The following CPZ variants were observed in gnomAD, a reference collection of about 807,000 sequenced individuals.
The protein encoded by CPZ is VEZT/CPZ fusion.
In CPZ, 103 loss-of-function variants were observed where a neutral mutation model predicts 61.8. The observed-to-expected ratio is 1.67, with a 90% CI of 1.42 to 1.96. The LOEUF (loss-of-function observed/expected upper bound fraction) is 1.96. Among genes scored for constraint, CPZ ranks in the 30% most tolerant of loss-of-function variants. The pLI, the probability that CPZ is intolerant of heterozygous loss-of-function variation, is 0.00. For missense variants in CPZ, 1,461 were observed against 914.9 expected, an observed-to-expected ratio of 1.60 and a Z score of -7.70; for synonymous variants, 551 against 373.7, an observed-to-expected ratio of 1.47 and a Z score of -5.47.
chr4:8,610,871 A>G (rs1715594733), intron 7 of CPZ, among the ~76,000 whole-genome samples: 1 of 152,156 alleles, frequency 6.6e-6, no homozygotes, highest in Non-Finnish European at 1.5e-5. Flanking sequence ...ACTTCTGAGA[A>G]GCTGGACCCA....
Position 8,607,421 on chromosome 4 carries a change from A to G in CPZ, c.1223A>G (p.Glu408Gly), listed in dbSNP as rs1439219430. 1.2e-6 allele frequency: 2 copies of G among 1,613,818 alleles called. No individual in the cohort carries two copies. The highest frequency in any genetic ancestry group is 1.7e-5 in the Admixed American group (1 of 60,002). The change falls in exon 7 of 11, where the codon GAG (glutamate) becomes GGG (glycine). Residue 408 changes from glutamate to glycine, a missense_variant. Transcript: ENST00000360986. ...AAGATGTTTTCTCCCACGCCCGACG[A>G]GAAGGTGAGAGGGCTGTCGGGTGTG... ...EEKMFSPTPD[E>G]KMFKLLSRAY...
At chr4:8,602,736 A>C (rs1714667875) in intron 3 of CPZ, 1 of 152,444 alleles carries the variant, frequency 6.6e-6, no homozygotes, top group Non-Finnish European at 1.5e-5. Flanking sequence ...GTGCTGGGAC[A>C]TTGAGGAGGG....
chr4:8,607,844 C>T (rs1198828423), intron 7 of CPZ, among the ~76,000 whole-genome samples: 1 of 152,168 alleles, frequency 6.6e-6, no homozygotes, highest in East Asian at 1.9e-4. Flanking sequence ...GTCCTGCTTC[C>T]CGGGGGTCGT....
chr4:8,603,895 C>T, intron 3 of CPZ, 81 bp from the exon 4 acceptor site: 2 of 1,198,158 alleles, frequency 1.7e-6, no homozygotes, highest in African/African-American at 1.5e-5. Context: ...ACTAAGGGTG[C>T]TGTGTGTGGT....
chr4:8,596,226 A>G (rs555078211), intron 1 of CPZ, among the ~76,000 whole-genome samples: 24 of 152,002 alleles, frequency 1.6e-4, no homozygotes, highest in East Asian at 5.8e-4. Context: ...TAATTTTTGT[A>G]TTTTTAGTAG....
chr4:8,602,209 TG>T, intron 3 of CPZ: 1 of 152,516 alleles, frequency 6.6e-6, no homozygotes, highest in Non-Finnish European at 1.5e-5. Flanking sequence ...CGGGGCTGGT[TG>T]GGGGCCCTGC....
At chr4:8,611,799 T>C (rs956244422) in intron 7 of CPZ, among the ~76,000 whole-genome samples, 1 of 152,034 alleles carries the variant, frequency 6.6e-6, no homozygotes, top group Non-Finnish European at 1.5e-5. Flanking sequence ...CCATGGGACC[T>C]GGCCCCGAAC....
At chr4:8,609,292 G>A (rs73213387) in intron 7 of CPZ, among the ~76,000 whole-genome samples, 1 of 102,588 alleles carries the variant, frequency 9.7e-6, no homozygotes, top group Non-Finnish European at 2.0e-5. Flanking sequence ...AATTTTCTCA[G>A]TCATTCATCC....
chr4:8,606,319 A>G (rs1714999041), intron 5 of CPZ, 134 bp downstream of exon 5: 1 of 881,288 alleles, frequency 1.1e-6, no homozygotes, highest in East Asian at 2.7e-5. Context: ...AGGTGTCGAT[A>G]CTGGCAAACC....
intron 6 of CPZ, 96 bp from the exon 7 acceptor site, chr4:8,607,171 C>T: frequency 7.1e-6 from 10 of 1,412,866 alleles, no homozygotes; most frequent in Non-Finnish European, 7.7e-6. Flanking sequence ...TAATAGTCTG[C>T]ACCATTGGAG....
At chr4:8,605,293 A>G (rs1253636775) in intron 4 of CPZ, among the ~76,000 whole-genome samples, 1 of 144,046 alleles carries the variant, frequency 6.9e-6, no homozygotes, top group Non-Finnish European at 1.5e-5. Context: ...GGCCTGGTCC[A>G]CTCTTCTTCC....
intron 8 of CPZ, 136 bp downstream of exon 8, chr4:8,612,298 T>G (rs753806453): frequency 4.1e-6 from 3 of 734,636 alleles, no homozygotes; most frequent in East Asian, 2.9e-5. Flanking sequence ...ATGCCTCACC[T>G]GGTGGAGAGG....
chr4:8,612,650 T>C (rs2109340052), intron 8 of CPZ, among the ~76,000 whole-genome samples: 1 of 152,130 alleles, frequency 6.6e-6, no homozygotes, highest in South Asian at 2.1e-4. Context: ...GTGTACATCT[T>C]TATCTGCTAA....
In CPZ at chr4:8,603,961, C is replaced by T; in HGVS notation, c.497-15C>T. ...GGGGCCTGACACTGACTGAGCCCCCCCACTGCTCCCCCAGGAGGCCTGGAG... is the reference window on the plus strand; with the variant it reads ...GGGGCCTGACACTGACTGAGCCCCCTCACTGCTCCCCCAGGAGGCCTGGAG... On this transcript the variant is annotated splice_polypyrimidine_tract_variant and intron_variant, in intron 3 of 10. Transcript: ENST00000360986. The T allele has an allele frequency of 1.2e-6, 2 of 1,610,494 alleles. No homozygotes were observed. The highest frequency in any genetic ancestry group is 2.2e-5 in the East Asian group (1 of 44,856).
At chr4:8,610,077 A>G (rs889900749) in intron 7 of CPZ, among the ~76,000 whole-genome samples, 1 of 152,210 alleles carries the variant, frequency 6.6e-6, no homozygotes, top group Non-Finnish European at 1.5e-5. Context: ...GGCTTTGCCA[A>G]CGCTTGCTGT....
rs941721062 is a variant in CPZ at position 8,619,717 on chromosome 4, C to A, written c.*100C>A. ...TGTCTGCCACAGACATCCCACAAAG[C>A]CGCTGCCATTTTATTAAAGTGTTTT... On this transcript the variant is annotated 3_prime_UTR_variant, in exon 11 of 11. Coordinates refer to ENST00000360986, the MANE Select transcript of CPZ (RefSeq NM_001014447.3). The A allele has an allele frequency of 2.0e-5, 18 of 886,176 alleles. No individual in the cohort carries two copies. The African/African-American group carries it at 2.9e-4, about 14-fold the overall frequency. The allele number at this position is 886,176 out of a possible 1,614,324, so 54.9% of individuals were successfully genotyped here. A position where few individuals can be genotyped will look rare whatever the true frequency, so the allele number is the denominator to read the frequency against.
rs755623406 is a variant in CPZ, at chr4:8,618,486, G to C, written c.1561G>C (p.Ala521Pro). 3.0e-5 allele frequency: 48 copies of C among 1,614,012 alleles called. No individual in the cohort carries two copies. Among genetic ancestry groups the C allele is most frequent in the Non-Finnish European group, 3.9e-5 (46 of 1,180,040 alleles). The change falls in exon 10 of 11, where the codon GCC becomes CCC. Residue 521 changes from alanine (A) to proline (P), a missense_variant. By Grantham distance (27) the Ala-to-Pro change is conservative. Transcript: ENST00000360986. ...TDKFGKPVKN[A>P]RISVKGIRHD... ...TAAATTCGGCAAGCCAGTCAAAAAC[G>C]CCCGGATCTCAGTCAAAGGCATTCG...
chr4:8,611,047 C>T (rs967186596), intron 7 of CPZ: 12 of 370,802 alleles, frequency 3.2e-5, no homozygotes, highest in Admixed American at 1.8e-4. Context: ...CACTTGCTCA[C>T]GCATTCGCTC....
rs2302577 is a variant in CPZ, at chr4:8,611,770, C to G, written c.1228-257C>G. On this transcript the variant is annotated intron_variant, in intron 7 of 10. Transcript: ENST00000360986. ...CTACCCGGCCAGGTGTGCAGAGTCTCGGTGATTACCCCAGTTACCCATGGG... is the reference window on the plus strand; with the variant it reads ...CTACCCGGCCAGGTGTGCAGAGTCTGGGTGATTACCCCAGTTACCCATGGG... 7.2e-5 allele frequency among the ~76,000 whole-genome samples: 11 copies of G among 151,974 alleles called. No individual in the cohort carries two copies. In the South Asian group the frequency reaches 2.3e-3, roughly 32 times the overall value.
Sources: allele counts gnomAD v4.1 joint callset (sites outside exome capture counted in the v4.1 genomes callset), GRCh38; gene constraint gnomAD v4.1.1; transcripts MANE v1.5; gene names NCBI Gene and HGNC (gene_info 2026-07-23, HGNC 2026-07-21).